PCBP3: variants seen among roughly 807,000 people sequenced by gnomAD.
PCBP3 encodes poly(rC)-binding protein 3.
PCBP3 carries 25 observed loss-of-function variants against 52.7 expected under a neutral mutation model. The ratio of observed to expected loss-of-function variants is 0.47; its 90% CI spans 0.35 to 0.66. The LOEUF (loss-of-function observed/expected upper bound fraction) is 0.66, where lower values mean the gene tolerates loss of function less well. Among genes scored for constraint, PCBP3 ranks in the 30% least tolerant of loss-of-function variants. The pLI, the probability that PCBP3 is intolerant of heterozygous loss-of-function variation, is 0.01. For synonymous variants in PCBP3, 162 were observed against 183.0 expected (o/e 0.89, Z 0.93); for missense variants, 391 against 490.3 (o/e 0.80, Z 1.91).
chr21:45,694,947 A>G (rs1448130873), intron 2 of PCBP3, among the ~76,000 whole-genome samples: 1 of 152,206 alleles, frequency 6.6e-6, no homozygotes, highest in Non-Finnish European at 1.5e-5. Flanking sequence ...TTAGGTGTAA[A>G]TCAGCATGTT....
At chr21:45,651,496 A>G (rs992227754) in intron 1 of PCBP3, among the ~76,000 whole-genome samples, 2 of 152,192 alleles carry the variant, frequency 1.3e-5, no homozygotes, top group Non-Finnish European at 1.5e-5. Context: ...GATTCATTCC[A>G]AAGTATGTTT....
At chr21:45,865,430 A>C (rs968607285) in intron 5 of PCBP3, among the ~76,000 whole-genome samples, 8 of 152,222 alleles carry the variant, frequency 5.3e-5, no homozygotes, top group Admixed American at 5.2e-4. Context: ...CGCTTCTATC[A>C]GTGGAAGATA....
At chr21:45,881,987 G>A (rs1462854229) in intron 5 of PCBP3, among the ~76,000 whole-genome samples, 2 of 152,130 alleles carry the variant, frequency 1.3e-5, no homozygotes, top group African/African-American at 4.8e-5. Flanking sequence ...GTTGTGAGTT[G>A]TGCCACAATC....
At chr21:45,771,143 T>C (rs2089832388) in intron 4 of PCBP3, among the ~76,000 whole-genome samples, 1 of 152,242 alleles carries the variant, frequency 6.6e-6, no homozygotes, top group South Asian at 2.1e-4. Context: ...ATTGATAGAA[T>C]TGTTGGTGCT....
chr21:45,925,813 A>G (rs1262535420), intron 13 of PCBP3, among the ~76,000 whole-genome samples: 2 of 152,262 alleles, frequency 1.3e-5, no homozygotes. Context: ...GCTTTAAAAT[A>G]TATTTTAAAA....
chr21:45,771,737 AT>A (rs35538647), intron 4 of PCBP3, among the ~76,000 whole-genome samples: 57,032 of 152,010 alleles, frequency 0.38, 11,295 homozygotes, highest in Non-Finnish European at 0.44. Flanking sequence ...TCTATTCAGT[AT>A]TTTACTGGAG....
At chr21:45,722,216 C>G (rs1368482728) in intron 2 of PCBP3, among the ~76,000 whole-genome samples, 4 of 152,220 alleles carry the variant, frequency 2.6e-5, no homozygotes, top group African/African-American at 9.6e-5. Context: ...AAAAAATGTA[C>G]CCAGTATACT....
chr21:45,734,990 G>A (rs1370539515), intron 2 of PCBP3, among the ~76,000 whole-genome samples: 1 of 152,212 alleles, frequency 6.6e-6, no homozygotes, highest in South Asian at 2.1e-4. Context: ...CCTTCAGGGT[G>A]GAGCCGAGAC....
At chr21:45,718,175 A>T (rs1469187878) in intron 2 of PCBP3, among the ~76,000 whole-genome samples, 1 of 143,430 alleles carries the variant, frequency 7.0e-6, no homozygotes, top group Non-Finnish European at 1.5e-5. Context: ...CTCCTCTTTC[A>T]TTCCTAATTT....
intron 5 of PCBP3, among the ~76,000 whole-genome samples, chr21:45,892,148 G>A (rs57294193): frequency 0.15 from 22,268 of 152,140 alleles, 1,783 homozygotes; most frequent in Middle Eastern, 0.29. Context: ...TAGCAGGACC[G>A]CGGCGTCCTT....
intron 2 of PCBP3, among the ~76,000 whole-genome samples, chr21:45,722,516 T>C (rs2084725353): frequency 6.6e-6 from 1 of 152,216 alleles, no homozygotes; most frequent in South Asian, 2.1e-4. Context: ...GAAGTTTTTT[T>C]TTAAGCATAA....
intron 5 of PCBP3, among the ~76,000 whole-genome samples, chr21:45,893,364 T>C (rs1024679262): frequency 4.6e-5 from 7 of 151,750 alleles, no homozygotes; most frequent in Non-Finnish European, 1.0e-4. Flanking sequence ...AGATTGTGCC[T>C]CACATGGTGG....
At chr21:45,649,102 T>C (rs533190792) in intron 1 of PCBP3, among the ~76,000 whole-genome samples, 8 of 152,292 alleles carry the variant, frequency 5.3e-5, no homozygotes, top group African/African-American at 1.2e-4. Context: ...AGAGGTTTAA[T>C]GGACTTACAG....
At chr21:45,786,194 G>A (rs2091145863) in intron 4 of PCBP3, among the ~76,000 whole-genome samples, 1 of 148,388 alleles carries the variant, frequency 6.7e-6, no homozygotes, top group Non-Finnish European at 1.5e-5. Flanking sequence ...AAAATAAAAA[G>A]TTTCAAAAAA....
intron 3 of PCBP3, chr21:45,751,588 A>G (rs973487179): frequency 6.6e-6 from 1 of 152,302 alleles, no homozygotes; most frequent in East Asian, 1.9e-4. Context: ...GACGTAGTTT[A>G]CGATATTTTG....
intron 8 of PCBP3, 102 bp downstream of exon 8, chr21:45,900,725 G>C (rs1308466180): frequency 2.0e-6 from 2 of 986,776 alleles, no homozygotes; most frequent in East Asian, 4.8e-5. Flanking sequence ...CTCTTGGCCA[G>C]CCGGGGTGTG....
chr21:45,699,937 T>A (rs78078080), intron 2 of PCBP3, among the ~76,000 whole-genome samples: 1 of 152,232 alleles, frequency 6.6e-6, no homozygotes, highest in African/African-American at 2.4e-5. Flanking sequence ...TCAAATCTCA[T>A]GTCTTCACAT....
In PCBP3 at chr21:45,791,320, C is replaced by T. The variant is rs1355582837; in HGVS notation, c.-126+35868C>T. On this transcript the variant is annotated intron_variant, in intron 4 of 17. Coordinates refer to ENST00000681687, the MANE Select transcript of PCBP3 (RefSeq NM_001384156.1). The surrounding 1 kb of genome is among the most constrained non-coding windows in gnomAD (Gnocchi z 4.2). ...TGGAAGGCTGGGAGCATGGCCAGCC[C>T]AGGGAGTGAGTGTGGTCACTGGTGT... Among the ~76,000 whole-genome samples, 1 of 152,194 alleles carries T rather than the reference C, an allele frequency of 6.6e-6. No individual in the cohort carries two copies. Among genetic ancestry groups the T allele is most frequent in the Non-Finnish European group, 1.5e-5 (1 of 68,028 alleles).
intron 13 of PCBP3, chr21:45,918,383 T>G (rs2073869045): frequency 9.0e-6 from 1 of 110,720 alleles, no homozygotes; most frequent in Non-Finnish European, 2.0e-5. Context: ...AAACGGTCGG[T>G]GTAATTCCAG....
Sources: gnomAD v4.1 joint callset for allele counts (sites outside exome capture counted in the v4.1 genomes callset) on GRCh38, gnomAD v4.1.1 for gene constraint, Gnocchi (gnomAD v3.1) non-coding constraint, MANE v1.5 for transcripts, NCBI Gene and HGNC (gene_info 2026-07-23, HGNC 2026-07-21) for gene names.